LYN: variants seen among roughly 807,000 people sequenced by gnomAD.
LYN encodes the protein LYN proto-oncogene, Src family tyrosine kinase.
In LYN, 12 loss-of-function variants were observed where a neutral mutation model predicts 65.0. The ratio of observed to expected loss-of-function variants is 0.18; its 90% CI spans 0.12 to 0.30. The LOEUF (loss-of-function observed/expected upper bound fraction) is 0.30, where lower values mean the gene tolerates loss of function less well. LYN is among the 10% of genes least tolerant of loss of function. The pLI, the probability that LYN is intolerant of heterozygous loss-of-function variation, is 1.00. For synonymous variants in LYN, 222 were observed against 221.2 expected (o/e 1.00, Z -0.03); for missense variants, 380 against 623.2 (o/e 0.61, Z 4.16).
chr8:55,976,054 A>G (rs188363777), intron 10 of LYN, among the ~76,000 whole-genome samples: 113 of 152,182 alleles, frequency 7.4e-4, no homozygotes, highest in African/African-American at 2.5e-3. Flanking sequence ...ACAAAATGCT[A>G]TTCTCTTTGG....
intron 10 of LYN, among the ~76,000 whole-genome samples, chr8:55,994,200 A>G (rs891943227): frequency 2.0e-5 from 3 of 152,242 alleles, no homozygotes; most frequent in Non-Finnish European, 4.4e-5. Context: ...GAATAAAGAG[A>G]ATGAATTAAT....
chr8:55,888,498 A>G (rs544996740), intron 1 of LYN, among the ~76,000 whole-genome samples: 1 of 152,344 alleles, frequency 6.6e-6, no homozygotes, highest in Non-Finnish European at 1.5e-5. Context: ...CATTTATGAC[A>G]TAGCCAAGAG....
Position 56,011,892 on chromosome 8 carries a change from AAGT to A in LYN, c.*1784_*1786del. ...TGCTTGCATTTTATTTCAGAACCAC[AAGT>A]ATTACCCAATATGTTACATGGAGAG... On this transcript the variant is annotated 3_prime_UTR_variant, in exon 13 of 13. Transcript: ENST00000519728. 5.4e-6 allele frequency: 1 copy of A among 186,694 alleles called. No individual in the cohort carries two copies. Among genetic ancestry groups the A allele is most frequent in the Non-Finnish European group, 1.1e-5 (1 of 88,432 alleles). The allele number at this position is 186,694 out of a possible 1,614,324, so 11.6% of individuals were successfully genotyped here. A position where few individuals can be genotyped will look rare whatever the true frequency, so the allele number is the denominator to read the frequency against.
chr8:56,010,571 T>TA lies in LYN; in HGVS notation c.*461_*462insA. 3.5e-5 allele frequency: 8 copies of TA among 228,232 alleles called. No homozygotes were observed. The highest frequency in any genetic ancestry group is 4.5e-5 in the African/African-American group (2 of 44,790). 14.1% of individuals were successfully genotyped at this position (228,232 alleles called of 1,614,324 possible). ...TTTCTTTGTGCTTTGGCTTACTTGT[T>TA]TAAAAAAAAAAAAAAACTAATCCAA... On this transcript the variant is annotated 3_prime_UTR_variant, in exon 13 of 13. Coordinates refer to ENST00000519728, the MANE Select transcript of LYN (RefSeq NM_002350.4).
At chr8:55,939,604 G>A (rs1806540657) in intron 1 of LYN, among the ~76,000 whole-genome samples, 1 of 152,202 alleles carries the variant, frequency 6.6e-6, no homozygotes. Context: ...CGTGCTGGGA[G>A]GGAGCTGGAT....
rs905280835 is a variant in LYN at position 56,011,624 on chromosome 8, A to G, written c.*1514A>G. ...TTTTCAAATAGGCTTAACAGGCATC[A>G]TTAAAATTTCATTCTGTGTGTTTTG... On this transcript the variant is annotated 3_prime_UTR_variant, in exon 13 of 13. Coordinates refer to ENST00000519728, the MANE Select transcript of LYN (RefSeq NM_002350.4). 1 of 192,476 alleles carries G rather than the reference A, an allele frequency of 5.2e-6. No individual in the cohort carries two copies. The highest frequency in any genetic ancestry group is 2.3e-5 in the African/African-American group (1 of 43,108). The allele number at this position is 192,476 out of a possible 1,614,324, so 11.9% of individuals were successfully genotyped here.
At chr8:55,907,674 C>G (rs1054682896) in intron 1 of LYN, among the ~76,000 whole-genome samples, 1 of 152,006 alleles carries the variant, frequency 6.6e-6, no homozygotes, top group Non-Finnish European at 1.5e-5. Context: ...CAAGACCAGC[C>G]TAGGCAACAT....
intron 1 of LYN, among the ~76,000 whole-genome samples, chr8:55,941,010 G>C (rs1806593650): frequency 6.6e-6 from 1 of 152,150 alleles, no homozygotes; most frequent in Non-Finnish European, 1.5e-5. Flanking sequence ...TTGATCATCT[G>C]AATGTTTTCA....
chr8:55,942,089 C>A, intron 2 of LYN, 98 bp downstream of exon 2: 1 of 1,226,758 alleles, frequency 8.2e-7, no homozygotes, highest in East Asian at 2.5e-5. Context: ...CAAAAAAATT[C>A]CATTGATTAC....
At chr8:55,913,423 A>C (rs746565506) in intron 1 of LYN, among the ~76,000 whole-genome samples, 3 of 152,152 alleles carry the variant, frequency 2.0e-5, no homozygotes, top group Non-Finnish European at 4.4e-5. Context: ...AAGAATCTAT[A>C]TTTTTAACAA....
At chr8:55,922,648 T>A (rs1315686216) in intron 1 of LYN, among the ~76,000 whole-genome samples, 1 of 151,960 alleles carries the variant, frequency 6.6e-6, no homozygotes, top group Non-Finnish European at 1.5e-5. Context: ...ACGCCTGTAA[T>A]CCCAGCTATT....
chr8:55,979,532 C>T (rs546387634), intron 10 of LYN, among the ~76,000 whole-genome samples: 17 of 152,134 alleles, frequency 1.1e-4, no homozygotes, highest in Non-Finnish European at 2.4e-4. Flanking sequence ...CTCTGCAGCT[C>T]GTGGGGCTTT....
chr8:55,994,732 G>A (rs2130576230), intron 10 of LYN, among the ~76,000 whole-genome samples: 1 of 152,310 alleles, frequency 6.6e-6, no homozygotes, highest in South Asian at 2.1e-4. Context: ...TCTTGGCCCA[G>A]TTTATATATA....
intron 4 of LYN, among the ~76,000 whole-genome samples, chr8:55,949,406 A>G (rs1352262904): frequency 6.6e-6 from 1 of 152,202 alleles, no homozygotes; most frequent in Admixed American, 6.5e-5. Context: ...CTGTCTCTAA[A>G]CATATTTTAA....
intron 12 of LYN, among the ~76,000 whole-genome samples, chr8:56,000,755 A>G (rs904502145): frequency 2.1e-5 from 3 of 143,774 alleles, no homozygotes. Context: ...AAAAAAAAAA[A>G]GAGGGATTTC....
At chr8:55,890,299 G>T (rs1247762269) in intron 1 of LYN, among the ~76,000 whole-genome samples, 5 of 151,946 alleles carry the variant, frequency 3.3e-5, no homozygotes, top group Non-Finnish European at 7.4e-5. Flanking sequence ...GTGACAGAGC[G>T]ACAGCCTGTC....
chr8:55,950,429 G>C (rs1806907350), intron 4 of LYN, 30 bp from the exon 5 acceptor site: 1 of 1,467,978 alleles, frequency 6.8e-7, no homozygotes, highest in Non-Finnish European at 9.4e-7. Context: ...TAATCTTTTA[G>C]CTTCTTTTTG....
At chr8:55,882,211 C>T (rs1585556788) in intron 1 of LYN, among the ~76,000 whole-genome samples, 1 of 152,114 alleles carries the variant, frequency 6.6e-6, no homozygotes, top group African/African-American at 2.4e-5. Context: ...TTGGCCCAAT[C>T]CAGAAGACCT....
At chr8:56,005,448 C>G (rs140708577) in intron 12 of LYN, among the ~76,000 whole-genome samples, 1 of 152,308 alleles carries the variant, frequency 6.6e-6, no homozygotes, top group Non-Finnish European at 1.5e-5. Context: ...CTGTCCTGCC[C>G]TCGGCGCTGG....
Sources: allele counts gnomAD v4.1 joint callset (sites outside exome capture counted in the v4.1 genomes callset), GRCh38; gene constraint gnomAD v4.1.1; transcripts MANE v1.5; gene names NCBI Gene and HGNC (gene_info 2026-07-23, HGNC 2026-07-21).